The following NT5C2 variants were observed in gnomAD, a reference collection of about 807,000 sequenced individuals.
NT5C2 encodes cytosolic purine 5'-nucleotidase.
NT5C2 carries 58 observed loss-of-function variants against 76.1 expected under a neutral mutation model. That is an observed-to-expected ratio of 0.76 (90% CI 0.62 to 0.95). The LOEUF is 0.95. Among genes scored for constraint, NT5C2 ranks in the 40% least tolerant of loss-of-function variants. The pLI is 0.00. For missense variants in NT5C2, 478 were observed against 690.3 expected (o/e 0.69, Z 3.45); for synonymous variants, 229 against 237.4 (o/e 0.96, Z 0.32).
At chr10:103,165,661 A>G (rs1242518593) in intron 3 of NT5C2, among the ~76,000 whole-genome samples, 1 of 126,184 alleles carries the variant, frequency 7.9e-6, no homozygotes, top group Non-Finnish European at 1.7e-5. Context: ...TCCCCACCTC[A>G]GCCTCCCAAG....
chr10:103,134,768 C>T (rs1053400632), intron 4 of NT5C2, among the ~76,000 whole-genome samples: 3 of 152,242 alleles, frequency 2.0e-5, no homozygotes. Flanking sequence ...CCTGTGAAAG[C>T]AGCTGGGAGG....
chr10:103,162,597 A>C (rs1334496208), intron 3 of NT5C2, among the ~76,000 whole-genome samples: 1 of 152,196 alleles, frequency 6.6e-6, no homozygotes, highest in African/African-American at 2.4e-5. Flanking sequence ...GCTCTCATAC[A>C]TTGTAAGTGG....
At chr10:103,131,391 T>C (rs1192774547) in intron 4 of NT5C2, among the ~76,000 whole-genome samples, 1 of 152,232 alleles carries the variant, frequency 6.6e-6, no homozygotes, top group African/African-American at 2.4e-5. Context: ...TGAAATATAA[T>C]CATCAATGTG....
At chr10:103,148,954 G>C (rs1296483612) in intron 3 of NT5C2, among the ~76,000 whole-genome samples, 1 of 152,130 alleles carries the variant, frequency 6.6e-6, no homozygotes, top group African/African-American at 2.4e-5. Context: ...CATAATATGA[G>C]GATAAGGGAG....
chr10:103,187,748 A>G (rs555173551), intron 1 of NT5C2, among the ~76,000 whole-genome samples: 78 of 152,252 alleles, frequency 5.1e-4, no homozygotes, highest in Non-Finnish European at 8.2e-4. Flanking sequence ...AACAAACTAG[A>G]TAGAGATACA....
chr10:103,137,248 T>G (rs776990019), intron 4 of NT5C2, among the ~76,000 whole-genome samples: 3 of 152,140 alleles, frequency 2.0e-5, no homozygotes, highest in Non-Finnish European at 4.4e-5. Context: ...AACAGCAAGA[T>G]CTACATTGGG....
chr10:103,187,221 G>A (rs1259628928), intron 1 of NT5C2, among the ~76,000 whole-genome samples: 1 of 151,686 alleles, frequency 6.6e-6, no homozygotes, highest in Non-Finnish European at 1.5e-5. Flanking sequence ...CTACACTCCA[G>A]CTTGGGCAAC....
intron 3 of NT5C2, among the ~76,000 whole-genome samples, chr10:103,165,415 C>T (rs2086117566): frequency 6.6e-6 from 1 of 151,824 alleles, no homozygotes; most frequent in African/African-American, 2.4e-5. Context: ...ATCGCTTGAA[C>T]CCAGGAGGCA....
At chr10:103,186,622 T>C (rs1253982860) in intron 1 of NT5C2, among the ~76,000 whole-genome samples, 5 of 152,136 alleles carry the variant, frequency 3.3e-5, no homozygotes, top group Admixed American at 6.6e-5. Context: ...CTTAAAAAAA[T>C]GGCATTTACT....
chr10:103,124,457 T>A (rs1375480675), intron 4 of NT5C2, among the ~76,000 whole-genome samples: 1 of 152,168 alleles, frequency 6.6e-6, no homozygotes, highest in African/African-American at 2.4e-5. Flanking sequence ...TATATAGAAG[T>A]GTAAATAAGG....
chr10:103,179,362 G>C (rs1045359079), intron 2 of NT5C2, among the ~76,000 whole-genome samples: 8 of 152,130 alleles, frequency 5.3e-5, no homozygotes, highest in Non-Finnish European at 1.2e-4. Context: ...CCCCTTTCCA[G>C]TAACAATACT....
At chr10:103,177,745 GTCTT>G (rs1476260199) in intron 2 of NT5C2, among the ~76,000 whole-genome samples, 1 of 152,130 alleles carries the variant, frequency 6.6e-6, no homozygotes, top group East Asian at 1.9e-4. Context: ...TCCAGGCTAA[GTCTT>G]TTTTATATAA....
At chr10:103,148,051 G>A (rs772735229) in intron 3 of NT5C2, among the ~76,000 whole-genome samples, 7 of 151,928 alleles carry the variant, frequency 4.6e-5, no homozygotes, top group Non-Finnish European at 7.4e-5. Context: ...TCCATCCTCC[G>A]TAAAAAGTAT....
chr10:103,132,371 G>A (rs1299461163), intron 4 of NT5C2, among the ~76,000 whole-genome samples: 1 of 151,976 alleles, frequency 6.6e-6, no homozygotes, highest in Non-Finnish European at 1.5e-5. Context: ...ATAAAAAGAT[G>A]ACATTAGTGG....
intron 4 of NT5C2, 73 bp downstream of exon 4, chr10:103,139,333 G>T: frequency 1.1e-6 from 1 of 901,964 alleles, no homozygotes; most frequent in Non-Finnish European, 1.6e-6. Flanking sequence ...AATGTCAATT[G>T]AATTGCCTAC....
Position 103,089,766 on chromosome 10 carries a change from A to G in NT5C2, c.1592T>C (p.Ile531Thr), listed in dbSNP as rs2066211398. 1.2e-6 allele frequency: 2 copies of G among 1,613,926 alleles called. No individual in the cohort carries two copies. Among genetic ancestry groups the G allele is most frequent in the African/African-American group, 1.3e-5 (1 of 74,972 alleles). The part of the protein sequence containing the change: ...RHQLTRSISE[I>T]KPPNLFPLAP... ...CAGTGGGAAGAGGTTGGGAGGTTTA[A>G]TCTCACTAATTGACCGTGTCAGCTG... The change falls in exon 19 of 19, where the codon ATT becomes ACT. Residue 531 changes from isoleucine to threonine, a missense_variant. Physicochemically the swap from Ile to Thr is moderately conservative, Grantham distance 89 (BLOSUM62 -1). Transcript: ENST00000404739.
Position 103,091,049 on chromosome 10 carries a change from T to C in NT5C2, c.1212-53A>G, listed in dbSNP as rs1206673532. On this transcript the variant is annotated intron_variant, in intron 16 of 18. Coordinates refer to ENST00000404739, the MANE Select transcript of NT5C2 (RefSeq NM_001351169.2). ...AATCTCTGGGAAGAGCTTTTTTTTATTCTTTAAGACAGTCTCATTCTGTCA... is the reference window on the plus strand; with the variant it reads ...AATCTCTGGGAAGAGCTTTTTTTTACTCTTTAAGACAGTCTCATTCTGTCA... 16 of 1,505,232 alleles carry C rather than the reference T, an allele frequency of 1.1e-5. No individual in the cohort carries two copies. In the Middle Eastern group the frequency reaches 6.8e-4, roughly 64 times the overall value. 93.2% of individuals were successfully genotyped at this position (1,505,232 alleles called of 1,614,324 possible).
At chr10:103,094,104 A>ACC in intron 13 of NT5C2, 66 bp from the exon 14 acceptor site, 6 of 1,252,870 alleles carry the variant, frequency 4.8e-6, no homozygotes, top group Non-Finnish European at 6.9e-6. Flanking sequence ...TCACCCCACA[A>ACC]CCCTCCCATC....
Position 103,093,982 on chromosome 10 carries a change from G to C in NT5C2, c.978C>G (p.Val326=), listed in dbSNP as rs2067540508. 3 of 1,612,992 alleles carry C rather than the reference G, an allele frequency of 1.9e-6. No homozygotes were observed. Among genetic ancestry groups the C allele is most frequent in the South Asian group, 2.2e-5 (2 of 91,058 alleles). The change falls in exon 14 of 19, where the codon GTC becomes GTG. Residue 326 remains valine (V), a synonymous_variant. Coordinates refer to ENST00000404739, the MANE Select transcript of NT5C2 (RefSeq NM_001351169.2). ...AAGTCTGTGACTTACCTCCTGAGTA[G>C]ACGATACCATGCTGTAGGGGCCCTG... ...TYTGPLQHGI[V]YSGGSSDTIC...
Sources: gnomAD v4.1 joint callset for allele counts (sites outside exome capture counted in the v4.1 genomes callset) on GRCh38, gnomAD v4.1.1 for gene constraint, MANE v1.5 for transcripts, NCBI Gene and HGNC (gene_info 2026-07-23, HGNC 2026-07-21) for gene names.